The following HIVEP1 variants were observed in gnomAD, a reference collection of about 807,000 sequenced individuals.
The protein encoded by HIVEP1 is zinc finger protein 40.
In HIVEP1, 36 loss-of-function variants were observed where a neutral mutation model predicts 180.0. The ratio of observed to expected loss-of-function variants is 0.20; its 90% CI spans 0.15 to 0.26. HIVEP1 has a LOEUF of 0.26. Among genes scored for constraint, HIVEP1 ranks in the 10% least tolerant of loss-of-function variants. The pLI is 1.00. For missense variants in HIVEP1, 3,143 were observed against 3,268.7 expected (o/e 0.96, Z 0.94); for synonymous variants, 1,239 against 1,239.0 (o/e 1.00, Z 0.00).
Position 12,161,631 on chromosome 6 carries a change from G to A in HIVEP1, c.6680G>A (p.Ser2227Asn), listed in dbSNP as rs1760403438. The A allele has an allele frequency of 6.8e-6, 11 of 1,614,016 alleles. No homozygotes were observed. The highest frequency in any genetic ancestry group is 1.3e-5 in the African/African-American group (1 of 74,916). ...AGAAGTAGCCTTCAGGACCCTGTGA[G>A]TACTGACGAGGATGTCAGGATCACC... ...PSRSSLQDPV[S>N]TDEDVRITDC... Residue 2227 changes from serine to asparagine, a missense_variant, in exon 8 of 9, where the codon AGT becomes AAT. Transcript: ENST00000379388.
chr6:12,193,997 GTGTTAAGTAGGTACA>G, the HIVEP1 span, among the ~76,000 whole-genome samples: 11 of 152,284 alleles, frequency 7.2e-5, no homozygotes, highest in South Asian at 2.3e-3. Context: ...GTCTAGAGAA[GTGTTAAGTAGGTACA>G]TGTGGCAATT....
chr6:12,140,635 C>CA (rs1296881581), intron 7 of HIVEP1, among the ~76,000 whole-genome samples: 1 of 152,116 alleles, frequency 6.6e-6, no homozygotes, highest in Non-Finnish European at 1.5e-5. Context: ...AAAGCTTAGA[C>CA]AAATGGCTAA....
the HIVEP1 span, among the ~76,000 whole-genome samples, chr6:12,203,112 T>C: frequency 6.6e-6 from 1 of 152,244 alleles, no homozygotes; most frequent in Non-Finnish European, 1.5e-5. Flanking sequence ...AACTATGTTA[T>C]CCCAGAAGAA....
At chr6:12,032,547 G>T (rs2113646396) in intron 2 of HIVEP1, among the ~76,000 whole-genome samples, 1 of 152,214 alleles carries the variant, frequency 6.6e-6, no homozygotes, top group South Asian at 2.1e-4. Flanking sequence ...TTGAATCCTG[G>T]TACAACTTAC....
chr6:12,015,566 C>A lies in HIVEP1; in HGVS notation c.-63C>A. Reference sequence around the variant, plus strand: ...ATGTATGTTGAGTTTATGGAGCTGCCTTTTGGTGGCTTGCTTTATCTGCAG... The same window carrying A: ...ATGTATGTTGAGTTTATGGAGCTGCATTTTGGTGGCTTGCTTTATCTGCAG... On this transcript the variant is annotated 5_prime_UTR_variant, in exon 2 of 9. Coordinates refer to ENST00000379388, the MANE Select transcript of HIVEP1 (RefSeq NM_002114.4). 3 of 1,399,498 alleles carry A rather than the reference C, an allele frequency of 2.1e-6. No homozygotes were observed. Among genetic ancestry groups the A allele is most frequent in the South Asian group, 2.4e-5 (2 of 84,560 alleles). 86.7% of individuals were successfully genotyped at this position (1,399,498 alleles called of 1,614,324 possible).
chr6:12,033,350 A>G (rs1191338508), intron 2 of HIVEP1, among the ~76,000 whole-genome samples: 1 of 139,038 alleles, frequency 7.2e-6, no homozygotes, highest in Non-Finnish European at 1.6e-5. Flanking sequence ...GTGTGTGTGT[A>G]AAAGATTATC....
chr6:12,055,129 T>C lies in HIVEP1; in HGVS notation c.41-34055T>C, dbSNP rs534018345. On this transcript the variant is annotated intron_variant, in intron 2 of 8. Transcript: ENST00000379388. ...AATAAACATTACGAACCTAAAGTTA[T>C]AGTATGTTTTTAGAATGTATACTTG... Among the ~76,000 whole-genome samples, 3 of 152,352 alleles carry C rather than the reference T, an allele frequency of 2.0e-5. No individual in the cohort carries two copies. In the South Asian group the frequency reaches 6.2e-4, roughly 32 times the overall value.
At chr6:12,142,533 C>G (rs1464648503) in intron 7 of HIVEP1, among the ~76,000 whole-genome samples, 4 of 152,062 alleles carry the variant, frequency 2.6e-5, no homozygotes, top group Non-Finnish European at 4.4e-5. Context: ...TAACTAAGAT[C>G]AGAGCAGAAC....
At position 12,120,383 on chromosome 6, in the gene HIVEP1, C is replaced by A. The variant is rs936999382; in HGVS notation, c.588C>A (p.Phe196Leu). 2 of 1,614,040 alleles carry A rather than the reference C, an allele frequency of 1.2e-6. No individual in the cohort carries two copies. The highest frequency in any genetic ancestry group is 2.7e-5 in the African/African-American group (2 of 74,916). Residue 196 changes from phenylalanine to leucine, a missense_variant, in exon 4 of 9, where the codon TTC becomes TTA. Transcript: ENST00000379388. ...CCCCCTCCTATACAAACACTGCATT[C>A]GATGTCTTACTGAAAGCAATGGAGC... is the stretch of plus-strand genomic sequence containing the variant. Reference protein sequence around the residue: ...TTSPSYTNTAFDVLLKAMEPE... With the variant: ...TTSPSYTNTALDVLLKAMEPE...
intron 2 of HIVEP1, among the ~76,000 whole-genome samples, chr6:12,068,026 G>A (rs1005622137): frequency 1.3e-5 from 2 of 152,014 alleles, no homozygotes; most frequent in Admixed American, 6.6e-5. Context: ...CTGGTGAGGG[G>A]GCTGTGCTTT....
intron 2 of HIVEP1, among the ~76,000 whole-genome samples, chr6:12,044,146 C>A (rs1056199320): frequency 6.6e-6 from 1 of 152,082 alleles, no homozygotes; most frequent in African/African-American, 2.4e-5. Context: ...GTGAATGGCA[C>A]GGCGCAAATG....
upstream of HIVEP1, chr6:12,007,897 T>C (rs1241894123): frequency 6.6e-6 from 1 of 152,218 alleles, no homozygotes; most frequent in African/African-American, 2.4e-5. Context: ...TCTAGGTATT[T>C]TTCCATGTGT....
the HIVEP1 span, among the ~76,000 whole-genome samples, chr6:12,207,577 C>G: frequency 2.0e-5 from 3 of 151,944 alleles, no homozygotes; most frequent in Admixed American, 6.6e-5. Flanking sequence ...GCGGGGCCAC[C>G]AGCAGAAGGT....
downstream of HIVEP1, among the ~76,000 whole-genome samples, chr6:12,165,532 C>G (rs368949343): frequency 6.6e-6 from 1 of 152,216 alleles, no homozygotes; most frequent in Non-Finnish European, 1.5e-5. Context: ...TTAAGTGACT[C>G]TCTTTAGACA....
At chr6:12,127,158 G>A (rs1758128889) in intron 4 of HIVEP1, among the ~76,000 whole-genome samples, 1 of 151,098 alleles carries the variant, frequency 6.6e-6, no homozygotes, top group Non-Finnish European at 1.5e-5. Context: ...ACCGCGCCCA[G>A]CAAGAATAAA....
the HIVEP1 span, among the ~76,000 whole-genome samples, chr6:12,177,334 A>C: frequency 6.6e-6 from 1 of 152,156 alleles, no homozygotes; most frequent in East Asian, 1.9e-4. Context: ...AAAAAAATAA[A>C]ATGATACAAA....
chr6:12,115,350 CTTTTTTTTTTTTT>C (rs34074662), intron 3 of HIVEP1, among the ~76,000 whole-genome samples: 36 of 75,300 alleles, frequency 4.8e-4, no homozygotes, highest in African/African-American at 1.4e-3. Context: ...CCCAACTATT[CTTTTTTTTTTTTT>C]TTTTTTTTTT....
At chr6:12,119,653 A>G (rs1375667763) in intron 3 of HIVEP1, among the ~76,000 whole-genome samples, 1 of 152,262 alleles carries the variant, frequency 6.6e-6, no homozygotes, top group African/African-American at 2.4e-5. Context: ...AAGGAACATA[A>G]GCATTCTAGA....
At chr6:12,211,605 A>G in the HIVEP1 span, among the ~76,000 whole-genome samples, 2 of 151,730 alleles carry the variant, frequency 1.3e-5, no homozygotes, top group Non-Finnish European at 2.9e-5. Context: ...TATATTTAGT[A>G]TTGCCCGATT....
Sources: gnomAD v4.1 joint callset for allele counts (sites outside exome capture counted in the v4.1 genomes callset) on GRCh38, gnomAD v4.1.1 for gene constraint, MANE v1.5 for transcripts, NCBI Gene and HGNC (gene_info 2026-07-23, HGNC 2026-07-21) for gene names.